ID1: variants seen among roughly 807,000 people sequenced by gnomAD.
The protein encoded by ID1 is inhibitor of DNA binding 1.
Under a neutral mutation model 11.3 loss-of-function variants are expected in ID1, and 8 were observed. That is an observed-to-expected ratio of 0.71 (90% CI 0.42 to 1.28). ID1 has a LOEUF of 1.28. ID1 is among the 50% of genes most tolerant of loss of function. The pLI, the probability that ID1 is intolerant of heterozygous loss-of-function variation, is 0.01. For synonymous variants in ID1, 176 were observed against 100.2 expected, an observed-to-expected ratio of 1.76 and a Z score of -4.52; for missense variants, 347 against 219.8, an observed-to-expected ratio of 1.58 and a Z score of -3.66.
In ID1 at chr20:31,605,619, G is replaced by A. The variant is rs761590414; in HGVS notation, c.232G>A (p.Glu78Lys). 6.3e-7 allele frequency: 1 copy of A among 1,585,148 alleles called. No homozygotes were observed. Among genetic ancestry groups the A allele is most frequent in the South Asian group, 1.1e-5 (1 of 87,472 alleles). The stretch of plus-strand genomic sequence containing the variant: ...GAACGGCTGTTACTCACGCCTCAAG[G>A]AGCTGGTGCCCACCCTGCCCCAGAA... ...DMNGCYSRLK[E>K]LVPTLPQNRK... Residue 78 changes from glutamate (E) to lysine (K), a missense_variant, in exon 1 of 2, where the codon GAG (glutamate) becomes AAG (lysine). Physicochemically the swap from Glu to Lys is moderately conservative, Grantham distance 56. Coordinates refer to ENST00000376112, the MANE Select transcript of ID1 (RefSeq NM_002165.4).
At chr20:31,605,897 T>TC in intron 1 of ID1, 84 bp downstream of exon 1, 2 of 1,583,368 alleles carry the variant, frequency 1.3e-6, no homozygotes, top group Non-Finnish European at 1.7e-6. Flanking sequence ...TTGCACCACT[T>TC]CCGTCCCATC....
Position 31,606,232 on chromosome 20 carries a change from G to A in ID1, c.*138G>A. 2.3e-6 allele frequency: 2 copies of A among 887,086 alleles called. No homozygotes were observed. The highest frequency in any genetic ancestry group is 3.6e-6 in the Non-Finnish European group (2 of 552,328). 55.0% of individuals were successfully genotyped at this position (887,086 alleles called of 1,614,324 possible). The stretch of plus-strand genomic sequence containing the variant: ...ATCGGCGGCCACTGCGCCCTTAACT[G>A]CATCCAGCCTGGGGCTGAGGCTGAG... On this transcript the variant is annotated 3_prime_UTR_variant, in exon 2 of 2. Coordinates refer to ENST00000376112, the MANE Select transcript of ID1 (RefSeq NM_002165.4).
At position 31,606,253 on chromosome 20, in the gene ID1, C is replaced by T; in HGVS notation, c.*159C>T. On this transcript the variant is annotated 3_prime_UTR_variant, in exon 2 of 2. Transcript: ENST00000376112. ...AACTGCATCCAGCCTGGGGCTGAGGCTGAGGCACTGGCGAGGAGAGGGCGC... is the reference window on the plus strand; with the variant it reads ...AACTGCATCCAGCCTGGGGCTGAGGTTGAGGCACTGGCGAGGAGAGGGCGC... The T allele has an allele frequency of 1.4e-6, 1 of 734,278 alleles. No individual in the cohort carries two copies. Among genetic ancestry groups the T allele is most frequent in the Non-Finnish European group, 2.3e-6 (1 of 428,260 alleles). 45.5% of individuals were successfully genotyped at this position (734,278 alleles called of 1,614,324 possible). A position where few individuals can be genotyped will look rare whatever the true frequency, so the allele number is the denominator to read the frequency against.
rs532393351 is a variant in ID1 at position 31,605,929 on chromosome 20, G to A, written c.426+116G>A. ...CATCCTTGCGGGTACCTGGCTATGCGGGGGTGCCTAAGGAGCCTGGAAAAA... is the reference window on the plus strand; with the variant it reads ...CATCCTTGCGGGTACCTGGCTATGCAGGGGTGCCTAAGGAGCCTGGAAAAA... On this transcript the variant is annotated intron_variant, in intron 1 of 1. Coordinates refer to ENST00000376112, the MANE Select transcript of ID1 (RefSeq NM_002165.4). The A allele has an allele frequency of 3.6e-4, 566 of 1,586,748 alleles. 1 individual carries two copies. Among genetic ancestry groups the A allele is most frequent in the Non-Finnish European group, 2.2e-4 (255 of 1,165,486 alleles).
At chr20:31,605,868 C>T in intron 1 of ID1, 55 bp downstream of exon 1, 1 of 1,592,958 alleles carries the variant, frequency 6.3e-7, no homozygotes, top group Non-Finnish European at 8.6e-7. Context: ...GAAACGGAGG[C>T]CAGAGAGGGC....
rs767223512 is a variant in ID1 at position 31,605,712 on chromosome 20, C to T, written c.325C>T (p.Leu109=). Residue 109 remains leucine, a synonymous_variant, in exon 1 of 2, where the codon CTG becomes TTG. Transcript: ENST00000376112. ...CTACATCAGGGACCTTCAGTTGGAGCTGAACTCGGAATCCGAAGTTGGAAC... is the reference window on the plus strand; with the variant it reads ...CTACATCAGGGACCTTCAGTTGGAGTTGAACTCGGAATCCGAAGTTGGAAC... ...IDYIRDLQLE[L]NSESEVGTPG... The T allele has an allele frequency of 5.6e-6, 9 of 1,611,464 alleles. No individual in the cohort carries two copies. The highest frequency in any genetic ancestry group is 7.6e-6 in the Non-Finnish European group (9 of 1,178,812).
In ID1 at chr20:31,606,164, C is replaced by CT; in HGVS notation, c.*71dup. On this transcript the variant is annotated 3_prime_UTR_variant, in exon 2 of 2. Coordinates refer to ENST00000376112, the MANE Select transcript of ID1 (RefSeq NM_002165.4). ...AAGAGGAATTACGTGCTCTGTGGGTCTCCCCCAACGCGCCTCGCCGGATCT... is the reference window on the plus strand; with the variant it reads ...AAGAGGAATTACGTGCTCTGTGGGTCTTCCCCCAACGCGCCTCGCCGGATCT... 1.3e-6 allele frequency: 2 copies of CT among 1,490,296 alleles called. No homozygotes were observed. Among genetic ancestry groups the CT allele is most frequent in the Non-Finnish European group, 1.9e-6 (2 of 1,073,914 alleles). 92.3% of individuals were successfully genotyped at this position (1,490,296 alleles called of 1,614,324 possible).
Position 31,606,311 on chromosome 20 carries a change from T to A in ID1, c.*217T>A. On this transcript the variant is annotated 3_prime_UTR_variant, in exon 2 of 2. Transcript: ENST00000376112. ...TGCACACCTACTAGTCACCAGAGAC[T>A]TTAGGGGGTGGGATTCCACTCGTGT... 1 of 586,130 alleles carries A rather than the reference T, an allele frequency of 1.7e-6. No individual in the cohort carries two copies. Among genetic ancestry groups the A allele is most frequent in the Non-Finnish European group, 3.1e-6 (1 of 321,950 alleles). The allele number at this position is 586,130 out of a possible 1,614,324, so 36.3% of individuals were successfully genotyped here.
Position 31,605,490 on chromosome 20 carries a change from C to G in ID1, c.103C>G (p.Leu35Val), listed in dbSNP as rs758048335. Reference sequence around the variant, plus strand: ...CGGTGCGGGCGAGGTGGTGCGCTGTCTGTCTGAGCAGAGCGTGGCCATCTC... The same window carrying G: ...CGGTGCGGGCGAGGTGGTGCGCTGTGTGTCTGAGCAGAGCGTGGCCATCTC... ...ASGAGEVVRC[L>V]SEQSVAISRC... Residue 35 changes from leucine (L) to valine (V), a missense_variant, in exon 1 of 2, where the codon CTG becomes GTG. Transcript: ENST00000376112. 11 of 1,604,106 alleles carry G rather than the reference C, an allele frequency of 6.9e-6. No individual in the cohort carries two copies. The highest frequency in any genetic ancestry group is 1.3e-5 in the African/African-American group (1 of 74,726).
In ID1 at chr20:31,605,369, C is replaced by G. The variant is rs1432084173; in HGVS notation, c.-19C>G. 6.3e-7 allele frequency: 1 copy of G among 1,591,862 alleles called. No homozygotes were observed. The highest frequency in any genetic ancestry group is 1.1e-5 in the South Asian group (1 of 90,080). On this transcript the variant is annotated 5_prime_UTR_variant, in exon 1 of 2. Coordinates refer to ENST00000376112, the MANE Select transcript of ID1 (RefSeq NM_002165.4). The stretch of plus-strand genomic sequence containing the variant: ...TTTTTTCGCTTTGCCCATTCTGTTT[C>G]AGCCAGTCGCCAAGAATCATGAAAG...
rs778452143 is a variant in ID1, at chr20:31,606,450, T to C, written c.*356T>C. 1 of 298,880 alleles carries C rather than the reference T, an allele frequency of 3.3e-6. No individual in the cohort carries two copies. The highest frequency in any genetic ancestry group is 6.6e-6 in the Non-Finnish European group (1 of 150,616). 18.5% of individuals were successfully genotyped at this position (298,880 alleles called of 1,614,324 possible). A position where few individuals can be genotyped will look rare whatever the true frequency, so the allele number is the denominator to read the frequency against. ...TTACAATGATCACCGACTGAAAATA[T>C]TGTTTTACAATAGTTCTGTGGGGCT... is the stretch of plus-strand genomic sequence containing the variant. On this transcript the variant is annotated 3_prime_UTR_variant, in exon 2 of 2. Coordinates refer to ENST00000376112, the MANE Select transcript of ID1 (RefSeq NM_002165.4).
Position 31,605,803 on chromosome 20 carries a change from T to C in ID1, c.416T>C (p.Leu139Pro). 2 of 1,611,528 alleles carry C rather than the reference T, an allele frequency of 1.2e-6. No homozygotes were observed. The highest frequency in any genetic ancestry group is 1.7e-6 in the Non-Finnish European group (2 of 1,178,968). ...LSTLNGEISA[L>P]TAEAACVPAD... is the part of the protein sequence containing the mutation. ...ACCCTCAACGGCGAGATCAGCGCCC[T>C]GACGGCCGAGGTGAGATCCAGATCC... The change falls in exon 1 of 2, where the codon CTG (leucine) becomes CCG (proline). Residue 139 changes from leucine to proline, a missense_variant. By Grantham distance (98) the Leu-to-Pro change is moderately conservative. Coordinates refer to ENST00000376112, the MANE Select transcript of ID1 (RefSeq NM_002165.4).
intron 1 of ID1, 108 bp downstream of exon 1, chr20:31,605,921 G>T: frequency 1.3e-6 from 2 of 1,583,534 alleles, no homozygotes; most frequent in South Asian, 2.3e-5. Flanking sequence ...GCGGGTACCT[G>T]GCTATGCGGG....
chr20:31,605,792 G>A lies in ID1; in HGVS notation c.405G>A (p.Glu135=), dbSNP rs770723039. ...VRAPLSTLNG[E]ISALTAEAAC... ...CTCCGCTCAGCACCCTCAACGGCGA[G>A]ATCAGCGCCCTGACGGCCGAGGTGA... is the stretch of plus-strand genomic sequence containing the variant. The change falls in exon 1 of 2, where the codon GAG becomes GAA. Residue 135 remains glutamate (E), a synonymous_variant. Coordinates refer to ENST00000376112, the MANE Select transcript of ID1 (RefSeq NM_002165.4). 13 of 1,611,582 alleles carry A rather than the reference G, an allele frequency of 8.1e-6. No individual in the cohort carries two copies. The Admixed American group carries it at 1.5e-4, about 19-fold the overall frequency.
At chr20:31,606,007 G>A (rs373127064) in intron 1 of ID1, 46 bp from the exon 2 acceptor site, 4 of 1,609,368 alleles carry the variant, frequency 2.5e-6, no homozygotes, top group Non-Finnish European at 3.4e-6. Context: ...CGCTCGGAGC[G>A]GCGTCCCTTC....
rs893416404 is a variant in ID1 at position 31,606,275 on chromosome 20, G to A, written c.*181G>A. 1.5e-6 allele frequency: 1 copy of A among 650,928 alleles called. No individual in the cohort carries two copies. Among genetic ancestry groups the A allele is most frequent in the Non-Finnish European group, 2.8e-6 (1 of 362,730 alleles). The allele number at this position is 650,928 out of a possible 1,614,324, so 40.3% of individuals were successfully genotyped here. On this transcript the variant is annotated 3_prime_UTR_variant, in exon 2 of 2. Coordinates refer to ENST00000376112, the MANE Select transcript of ID1 (RefSeq NM_002165.4). The stretch of plus-strand genomic sequence containing the variant: ...AGGCTGAGGCACTGGCGAGGAGAGG[G>A]CGCTCCTCTCTGCACACCTACTAGT...
In ID1 at chr20:31,606,087, G is replaced by A; in HGVS notation, c.461G>A (p.Cys154Tyr). 1 of 1,609,020 alleles carries A rather than the reference G, an allele frequency of 6.2e-7. No individual in the cohort carries two copies. Among genetic ancestry groups the A allele is most frequent in the Non-Finnish European group, 8.5e-7 (1 of 1,179,994 alleles). Residue 154 changes from cysteine (C) to tyrosine (Y), a missense_variant, in exon 2 of 2, where the codon TGT becomes TAT. Coordinates refer to ENST00000376112, the MANE Select transcript of ID1 (RefSeq NM_002165.4). ...GTTCCTGCGGACGATCGCATCTTGTGTCGCTGAAGCGCCTCCCCCAGGGAC... is the reference window on the plus strand; with the variant it reads ...GTTCCTGCGGACGATCGCATCTTGTATCGCTGAAGCGCCTCCCCCAGGGAC... Reference protein sequence around the residue: ...ACVPADDRILCR With the variant: ...ACVPADDRILYR
Position 31,605,666 on chromosome 20 carries a change from G to A in ID1, c.279G>A (p.Glu93=). The A allele has an allele frequency of 6.2e-7, 1 of 1,609,182 alleles. No individual in the cohort carries two copies. Among genetic ancestry groups the A allele is most frequent in the South Asian group, 1.1e-5 (1 of 90,256 alleles). Residue 93 remains glutamate, a synonymous_variant, in exon 1 of 2, where the codon GAG becomes GAA. Coordinates refer to ENST00000376112, the MANE Select transcript of ID1 (RefSeq NM_002165.4). Reference sequence around the variant, plus strand: ...AGAACCGCAAGGTGAGCAAGGTGGAGATTCTCCAGCACGTCATCGACTACA... The same window carrying A: ...AGAACCGCAAGGTGAGCAAGGTGGAAATTCTCCAGCACGTCATCGACTACA... ...LPQNRKVSKV[E]ILQHVIDYIR...
In ID1 at chr20:31,605,766, G is replaced by T; in HGVS notation, c.379G>T (p.Ala127Ser). ...CGGGGGCCGAGGGCTGCCGGTCCGG[G>T]CTCCGCTCAGCACCCTCAACGGCGA... Reference protein sequence around the residue: ...TPGGRGLPVRAPLSTLNGEIS... With the variant: ...TPGGRGLPVRSPLSTLNGEIS... Residue 127 changes from alanine (A) to serine (S), a missense_variant, in exon 1 of 2, where the codon GCT (alanine) becomes TCT (serine). Coordinates refer to ENST00000376112, the MANE Select transcript of ID1 (RefSeq NM_002165.4). The T allele has an allele frequency of 1.2e-6, 2 of 1,610,462 alleles. No homozygotes were observed. Among genetic ancestry groups the T allele is most frequent in the Non-Finnish European group, 1.7e-6 (2 of 1,178,356 alleles).
Sources: allele counts gnomAD v4.1 joint callset, GRCh38; gene constraint gnomAD v4.1.1; transcripts MANE v1.5; gene names NCBI Gene and HGNC (gene_info 2026-07-23, HGNC 2026-07-21).